The following WASHC2A variants were observed in gnomAD, a reference collection of about 807,000 sequenced individuals.
WASHC2A encodes the protein WASH complex subunit 2A, also known as WASH complex subunit FAM21A.
WASHC2A carries 82 observed loss-of-function variants against 140.3 expected under a neutral mutation model. The ratio of observed to expected loss-of-function variants is 0.58; its 90% CI spans 0.49 to 0.70. WASHC2A has a LOEUF of 0.70. WASHC2A is among the 30% of genes least tolerant of loss of function. The probability of loss-of-function intolerance (pLI) is 0.00; values close to 1 mark genes in which losing one functional copy is unlikely to be tolerated. For missense variants in WASHC2A, 985 were observed against 1,521.8 expected, an observed-to-expected ratio of 0.65 and a Z score of 5.87; for synonymous variants, 340 against 560.8, an observed-to-expected ratio of 0.61 and a Z score of 5.56.
intron 16 of WASHC2A, 136 bp downstream of exon 16, chr10:50,097,938 G>T (rs1442301837): frequency 8.1e-7 from 1 of 1,229,034 alleles, no homozygotes. Flanking sequence ...AAAGAACATT[G>T]CAGTGAACAC....
chr10:50,073,160 T>G (rs1838014646), intron 3 of WASHC2A, among the ~76,000 whole-genome samples: 4 of 152,162 alleles, frequency 2.6e-5, no homozygotes, highest in Admixed American at 2.6e-4. Flanking sequence ...ATCTGTTAAT[T>G]TAGGAATTGG....
At chr10:50,076,988 G>A (rs1161633759) in intron 3 of WASHC2A, among the ~76,000 whole-genome samples, 3 of 151,838 alleles carry the variant, frequency 2.0e-5, no homozygotes, top group Non-Finnish European at 4.4e-5. Context: ...TGGGTGGCAG[G>A]CACCTGTAGT....
intron 20 of WASHC2A, among the ~76,000 whole-genome samples, chr10:50,111,899 G>T (rs1375456411): frequency 6.6e-6 from 1 of 152,036 alleles, no homozygotes; most frequent in African/African-American, 2.4e-5. Context: ...GTCATGTCAC[G>T]CACCTGTAAT....
In WASHC2A at chr10:50,131,182, A is replaced by G. The variant is rs1176213444; in HGVS notation, c.3886+104A>G. ...GGCCCTTTTCTGGAAAATGCACCCCAGCGGGTTCACTTCAGTGTAATCCTG... is the reference window on the plus strand; with the variant it reads ...GGCCCTTTTCTGGAAAATGCACCCCGGCGGGTTCACTTCAGTGTAATCCTG... On this transcript the variant is annotated intron_variant, in intron 30 of 30. Transcript: ENST00000282633. The G allele has an allele frequency of 6.8e-6, 10 of 1,469,568 alleles. No homozygotes were observed. In the East Asian group the frequency reaches 1.6e-4, roughly 24 times the overall value. 91.0% of individuals were successfully genotyped at this position (1,469,568 alleles called of 1,614,324 possible).
chr10:50,132,357 A>G (rs1213209886), intron 30 of WASHC2A, among the ~76,000 whole-genome samples: 1 of 152,262 alleles, frequency 6.6e-6, no homozygotes, highest in East Asian at 1.9e-4. Flanking sequence ...GGAGGCTTAC[A>G]GTCTTACATC....
Position 50,067,995 on chromosome 10 carries a change from G to C in WASHC2A, c.-11G>C, listed in dbSNP as rs550575227. The C allele has an allele frequency of 1.9e-6, 3 of 1,605,916 alleles. No individual in the cohort carries two copies. Among genetic ancestry groups the C allele is most frequent in the South Asian group, 2.2e-5 (2 of 90,396 alleles). ...TGGCAGCTTCGGAGCCCACCGAGCC[G>C]GGCGGCTAGGATGGTGAGGGCGCCG... On this transcript the variant is annotated 5_prime_UTR_variant, in exon 1 of 31. Transcript: ENST00000282633.
Position 50,129,657 on chromosome 10 carries a change from C to G in WASHC2A, c.3326C>G (p.Pro1109Arg), listed in dbSNP as rs1463970030. The G allele has an allele frequency of 2.5e-6, 4 of 1,611,940 alleles. No individual in the cohort carries two copies. The African/African-American group carries it at 5.3e-5, about 22-fold the overall frequency. The change falls in exon 29 of 31, where the codon CCT (proline) becomes CGT (arginine). Residue 1109 changes from proline to arginine, a missense_variant. By Grantham distance (103) the Pro-to-Arg change is moderately radical. Transcript: ENST00000282633. Reference protein sequence around the residue: ...AAAPWEGGPVPGVDRSPFAKS... With the variant: ...AAAPWEGGPVRGVDRSPFAKS... ...GCACCTTGGGAAGGTGGTCCTGTGC[C>G]TGGAGTGGACAGAAGCCCCTTTGCA...
intron 17 of WASHC2A, among the ~76,000 whole-genome samples, chr10:50,101,387 C>G (rs1353620836): frequency 5.9e-5 from 9 of 152,296 alleles, no homozygotes; most frequent in African/African-American, 1.7e-4. Context: ...ATACACACAG[C>G]AGGAAGCCTG....
chr10:50,075,731 T>C (rs1589148357), intron 3 of WASHC2A, among the ~76,000 whole-genome samples: 1 of 151,962 alleles, frequency 6.6e-6, no homozygotes, highest in African/African-American at 2.4e-5. Flanking sequence ...ATTGTGGGTC[T>C]GTTTCTGCCC....
chr10:50,107,503 C>CTT (rs533108331), intron 19 of WASHC2A, among the ~76,000 whole-genome samples: 5 of 150,950 alleles, frequency 3.3e-5, no homozygotes, highest in African/African-American at 1.2e-4. Flanking sequence ...AATAATTCCT[C>CTT]TTTTTTTTTA....
At chr10:50,089,074 C>T (rs1839646039) in intron 8 of WASHC2A, among the ~76,000 whole-genome samples, 1 of 150,604 alleles carries the variant, frequency 6.6e-6, no homozygotes, top group East Asian at 2.0e-4. Context: ...AAGTGATTCT[C>T]ATGCCTCAGC....
rs1410605121 is a variant in WASHC2A at position 50,127,040 on chromosome 10, C to T, written c.2812-120C>T. ...CCCCAGGAGAGATTTGAATGCCTTTCCCATTAAAGAGCTACAGAAAGTGAC... is the reference window on the plus strand; with the variant it reads ...CCCCAGGAGAGATTTGAATGCCTTTTCCATTAAAGAGCTACAGAAAGTGAC... On this transcript the variant is annotated intron_variant, in intron 26 of 30. Transcript: ENST00000282633. 4.4e-6 allele frequency: 5 copies of T among 1,134,642 alleles called. No individual in the cohort carries two copies. The African/African-American group carries it at 6.1e-5, about 14-fold the overall frequency. The allele number at this position is 1,134,642 out of a possible 1,614,324, so 70.3% of individuals were successfully genotyped here. A position where few individuals can be genotyped will look rare whatever the true frequency, so the allele number is the denominator to read the frequency against.
intron 23 of WASHC2A, among the ~76,000 whole-genome samples, chr10:50,121,537 G>T (rs1487897081): frequency 2.0e-4 from 30 of 150,596 alleles, no homozygotes; most frequent in African/African-American, 6.7e-4. Context: ...GGGATTATAG[G>T]CACCCACCAC....
rs1838627462 is a variant in WASHC2A, at chr10:50,078,876, G to A, written c.354+139G>A. On this transcript the variant is annotated intron_variant, in intron 4 of 30. Coordinates refer to ENST00000282633, the MANE Select transcript of WASHC2A (RefSeq NM_001005751.3). ...TGCTCCTGACAGCAGCCCAAGAGGGGATTCTTTCCTTTGTTTCTGAAATGT... is the reference window on the plus strand; with the variant it reads ...TGCTCCTGACAGCAGCCCAAGAGGGAATTCTTTCCTTTGTTTCTGAAATGT... The A allele has an allele frequency of 2.6e-6, 4 of 1,538,728 alleles. No homozygotes were observed. In the Admixed American group the frequency reaches 5.6e-5, roughly 21 times the overall value.
Position 50,121,926 on chromosome 10 carries a change from T to C in WASHC2A, c.2478+2157T>C, listed in dbSNP as rs1843059411. 2.2e-5 allele frequency among the ~76,000 whole-genome samples: 3 copies of C among 139,010 alleles called. No individual in the cohort carries two copies. In the Admixed American group the frequency reaches 2.2e-4, roughly 10 times the overall value. The allele number at this position is 139,010 out of a possible 152,430, so 91.2% of individuals were successfully genotyped here. On this transcript the variant is annotated intron_variant, in intron 23 of 30. Coordinates refer to ENST00000282633, the MANE Select transcript of WASHC2A (RefSeq NM_001005751.3). ...AACCTTAATATTGGTAAGGTGGCAA[T>C]ACTTCCTTCCCAAATTGATTTATTG...
At position 50,087,809 on chromosome 10, in the gene WASHC2A, CT is replaced by C. The variant is rs1278065479; in HGVS notation, c.732+489del. 2.6e-5 allele frequency among the ~76,000 whole-genome samples: 4 copies of C among 152,050 alleles called. No individual in the cohort carries two copies. The East Asian group carries it at 5.8e-4, about 22-fold the overall frequency. Reference sequence around the variant, plus strand: ...TATGTTAACATTTTATAAATGTATCCTTATTTATTATTATTATTTTTTTGAG... The same window carrying C: ...TATGTTAACATTTTATAAATGTATCCTATTTATTATTATTATTTTTTTGAG... On this transcript the variant is annotated intron_variant, in intron 8 of 30. Coordinates refer to ENST00000282633, the MANE Select transcript of WASHC2A (RefSeq NM_001005751.3).
intron 23 of WASHC2A, among the ~76,000 whole-genome samples, chr10:50,121,379 T>C (rs1159715362): frequency 1.4e-5 from 2 of 146,758 alleles, no homozygotes; most frequent in Admixed American, 6.7e-5. Flanking sequence ...TTACAAAAGT[T>C]ACTACTAGTA....
chr10:50,121,458 A>G (rs1399984708), intron 23 of WASHC2A, among the ~76,000 whole-genome samples: 4 of 149,212 alleles, frequency 2.7e-5, no homozygotes, highest in Admixed American at 2.0e-4. Context: ...AAATGGCACA[A>G]TCTTGGCTCA....
chr10:50,115,648 A>G (rs1554891709), intron 21 of WASHC2A, among the ~76,000 whole-genome samples: 1 of 138,310 alleles, frequency 7.2e-6, no homozygotes, highest in African/African-American at 2.7e-5. Context: ...GCTTCATCCA[A>G]TAGGCAGGTT....
Sources: gnomAD v4.1 joint callset for allele counts (sites outside exome capture counted in the v4.1 genomes callset) on GRCh38, gnomAD v4.1.1 for gene constraint, MANE v1.5 for transcripts, NCBI Gene and HGNC (gene_info 2026-07-23, HGNC 2026-07-21) for gene names.